The following DGKB variants were observed in gnomAD, a reference collection of about 807,000 sequenced individuals.
DGKB encodes diacylglycerol kinase beta, also known as 90 kDa diacylglycerol kinase.
Under a neutral mutation model 114.3 loss-of-function variants are expected in DGKB, and 67 were observed. The ratio of observed to expected loss-of-function variants is 0.59; its 90% CI spans 0.48 to 0.72. The LOEUF is 0.72. DGKB is among the 30% of genes least tolerant of loss of function. The pLI is 0.00. For synonymous variants in DGKB, 398 were observed against 323.1 expected (o/e 1.23, Z -2.49); for missense variants, 907 against 975.2 (o/e 0.93, Z 0.93).
rs186017185 is a variant in DGKB, at chr7:14,535,355, T to C, written c.1770+38857A>G. Among the ~76,000 whole-genome samples the C allele has an allele frequency of 2.4e-3, 317 of 129,714 alleles. 1 individual carries two copies. Among genetic ancestry groups the C allele is most frequent in the African/African-American group, 9.1e-3 (307 of 33,642 alleles). 85.1% of individuals were successfully genotyped at this position (129,714 alleles called of 152,430 possible). A position where few individuals can be genotyped will look rare whatever the true frequency, so the allele number is the denominator to read the frequency against. On this transcript the variant is annotated intron_variant, in intron 20 of 25. Coordinates refer to ENST00000402815, the MANE Select transcript of DGKB (RefSeq NM_001350709.2). ...TAAAACTCTGGCCTGGGTGACAGAG[T>C]AAGGCCCTGTCTCTTAAAAAAAGAA...
chr7:14,861,108 C>T (rs575137635), intron 1 of DGKB, among the ~76,000 whole-genome samples: 133 of 152,050 alleles, frequency 8.7e-4, no homozygotes, highest in African/African-American at 3.1e-3. Context: ...TTCCAGGTAT[C>T]TGGCATATGT....
intron 15 of DGKB, 77 bp from the exon 16 acceptor site, chr7:14,613,490 T>C (rs971316555): frequency 3.9e-6 from 3 of 773,398 alleles, no homozygotes; most frequent in Non-Finnish European, 6.5e-6. Context: ...ATTTCTAAAT[T>C]ATAAAATACC....
intron 1 of DGKB, among the ~76,000 whole-genome samples, chr7:14,960,886 G>A (rs187800027): frequency 6.6e-6 from 1 of 152,150 alleles, no homozygotes; most frequent in Admixed American, 6.6e-5. Flanking sequence ...CCAAAGATAA[G>A]CCATTGGTAA....
intron 14 of DGKB, among the ~76,000 whole-genome samples, chr7:14,627,576 A>ATGTCTG (rs995429087): frequency 2.2e-5 from 3 of 135,180 alleles, no homozygotes; most frequent in African/African-American, 5.9e-5. Context: ...TAATGTGTGT[A>ATGTCTG]TGTCTGTGTC....
chr7:14,745,765 C>T (rs1378846528), intron 4 of DGKB, among the ~76,000 whole-genome samples: 1 of 148,494 alleles, frequency 6.7e-6, no homozygotes, highest in African/African-American at 2.5e-5. Flanking sequence ...ACTTTCCTTT[C>T]ACTTAATAAA....
chr7:14,252,952 G>C (rs1048277470), intron 23 of DGKB, among the ~76,000 whole-genome samples: 54 of 152,010 alleles, frequency 3.6e-4, no homozygotes, highest in African/African-American at 1.2e-3. Flanking sequence ...TCTTATTTCT[G>C]TGTTCCACTC....
At chr7:14,343,591 G>C (rs1811984065) in intron 22 of DGKB, among the ~76,000 whole-genome samples, 1 of 151,190 alleles carries the variant, frequency 6.6e-6, no homozygotes, top group Admixed American at 6.6e-5. Flanking sequence ...TTTTAAATCT[G>C]TGCTCAAGGG....
At chr7:14,696,459 CAGT>C (rs1823921159) in intron 8 of DGKB, among the ~76,000 whole-genome samples, 1 of 127,632 alleles carries the variant, frequency 7.8e-6, no homozygotes, top group Non-Finnish European at 1.6e-5. Flanking sequence ...TGCGCCACTG[CAGT>C]CCGCAGTCCG....
chr7:14,896,115 G>C (rs1782059042), intron 1 of DGKB, among the ~76,000 whole-genome samples: 1 of 151,680 alleles, frequency 6.6e-6, no homozygotes, highest in East Asian at 1.9e-4. Context: ...TCACATCAGA[G>C]ATCATATTTC....
In DGKB at chr7:14,315,134, G is replaced by A. The variant is rs895334028; in HGVS notation, c.2122+23381C>T. ...CCCTAAAAGAGCTCCTGAAGGAAGC[G>A]CTAAACATGGAAAGGAACAACCGGT... On this transcript the variant is annotated intron_variant, in intron 23 of 25. Coordinates refer to ENST00000402815, the MANE Select transcript of DGKB (RefSeq NM_001350709.2). Among the ~76,000 whole-genome samples, 374 of 143,710 alleles carry A rather than the reference G, an allele frequency of 2.6e-3. 2 individuals are homozygous for A. The highest frequency in any genetic ancestry group is 4.8e-3 in the Non-Finnish European group (314 of 64,900). 94.3% of individuals were successfully genotyped at this position (143,710 alleles called of 152,430 possible).
At chr7:14,931,178 C>T (rs553876226) in intron 1 of DGKB, among the ~76,000 whole-genome samples, 64 of 146,992 alleles carry the variant, frequency 4.4e-4, no homozygotes, top group African/African-American at 1.5e-3. Context: ...GTGGTGCTAT[C>T]TCAGCTCATT....
chr7:14,886,742 T>G (rs1855123854), intron 1 of DGKB, among the ~76,000 whole-genome samples: 1 of 151,990 alleles, frequency 6.6e-6, no homozygotes, highest in African/African-American at 2.4e-5. Context: ...CTGCAGTTCA[T>G]CCAGCACATT....
At chr7:14,634,437 TGAA>T (rs1471311760) in intron 13 of DGKB, among the ~76,000 whole-genome samples, 1 of 150,334 alleles carries the variant, frequency 6.7e-6, no homozygotes, top group Non-Finnish European at 1.5e-5. Flanking sequence ...AAAATATTGA[TGAA>T]GAATGAAAAA....
chr7:14,587,734 C>G (rs1049571645), intron 17 of DGKB, among the ~76,000 whole-genome samples: 33 of 152,060 alleles, frequency 2.2e-4, no homozygotes, highest in Non-Finnish European at 4.0e-4. Flanking sequence ...AAACTCTCTA[C>G]CAGAAAAAAC....
intron 21 of DGKB, among the ~76,000 whole-genome samples, chr7:14,475,576 G>A (rs1248807076): frequency 1.3e-5 from 2 of 152,006 alleles, no homozygotes; most frequent in Admixed American, 6.6e-5. Context: ...TCTATACCTG[G>A]TTCTTGAACT....
rs539595350 is a variant in DGKB, at chr7:14,576,129, G to A, written c.1610-1757C>T. ...TTAAATATTATTTCAGAAGAGATTGGGTCTATTCAGGGTGGTATGGCCATA... is the reference window on the plus strand; with the variant it reads ...TTAAATATTATTTCAGAAGAGATTGAGTCTATTCAGGGTGGTATGGCCATA... On this transcript the variant is annotated intron_variant, in intron 19 of 25. Coordinates refer to ENST00000402815, the MANE Select transcript of DGKB (RefSeq NM_001350709.2). 3.9e-4 allele frequency among the ~76,000 whole-genome samples: 60 copies of A among 151,918 alleles called. 3 individuals carry two copies. Among genetic ancestry groups the A allele is most frequent in the Non-Finnish European group, 7.4e-5 (5 of 67,956 alleles).
upstream of DGKB, among the ~76,000 whole-genome samples, chr7:14,903,788 G>A (rs1178612889): frequency 1.3e-5 from 2 of 152,296 alleles, no homozygotes; most frequent in Middle Eastern, 3.4e-3. Context: ...TAAGAAAAAT[G>A]TAAGTAAGTC....
intron 23 of DGKB, among the ~76,000 whole-genome samples, chr7:14,178,463 A>C (rs1226430077): frequency 6.6e-6 from 1 of 151,768 alleles, no homozygotes; most frequent in East Asian, 1.9e-4. Flanking sequence ...ACTTAATGTT[A>C]TTCCACATGT....
At chr7:14,273,920 T>C (rs1798620361) in intron 23 of DGKB, among the ~76,000 whole-genome samples, 1 of 152,258 alleles carries the variant, frequency 6.6e-6, no homozygotes. Context: ...TGACAATACC[T>C]AAGTTTATTT....
Sources: allele counts gnomAD v4.1 joint callset (sites outside exome capture counted in the v4.1 genomes callset), GRCh38; gene constraint gnomAD v4.1.1; transcripts MANE v1.5; gene names NCBI Gene and HGNC (gene_info 2026-07-23, HGNC 2026-07-21).